Variants in MUC5B observed in about 807,000 individuals in gnomAD.
MUC5B encodes the protein mucin 5B, oligomeric mucus/gel-forming, also known as mucin-5B.
MUC5B carries 116 observed loss-of-function variants against 376.9 expected under a neutral mutation model. The observed-to-expected ratio is 0.31, with a 90% CI of 0.26 to 0.36. The LOEUF is 0.36. MUC5B is among the 10% of genes least tolerant of loss of function. The pLI is 1.00. For synonymous variants in MUC5B, 3,517 were observed against 3,390.9 expected (o/e 1.04, Z -1.29); for missense variants, 7,165 against 7,769.9 (o/e 0.92, Z 2.93).
intron 10 of MUC5B, 74 bp downstream of exon 10, chr11:1,229,881 T>C (rs1035569942): frequency 3.2e-6 from 5 of 1,541,254 alleles, no homozygotes; most frequent in Non-Finnish European, 4.4e-6. Context: ...CGCCAGCCTC[T>C]GCCTGGGGTG....
rs79334787 is a variant in MUC5B at position 1,261,456 on chromosome 11, G to A, written c.17137G>A (p.Glu5713Lys). ...CTGCCAGGAGAGGCGGGTCCACGAG[G>A]AGACGGTGCCCTTGCACTGTCCTAA... ...TCCQERRVHE[E>K]TVPLHCPNGS... Residue 5713 changes from glutamate (E) to lysine (K), a missense_variant, in exon 49 of 49, where the codon GAG becomes AAG. Coordinates refer to ENST00000529681, the MANE Select transcript of MUC5B (RefSeq NM_002458.3). 4.3e-5 allele frequency: 67 copies of A among 1,549,666 alleles called. No individual in the cohort carries two copies. Among genetic ancestry groups the A allele is most frequent in the Middle Eastern group, 1.7e-4 (1 of 5,996 alleles).
chr11:1,240,685 C>T (rs562949949), intron 30 of MUC5B, among the ~76,000 whole-genome samples, 166 bp from the exon 31 acceptor site: 24 of 152,376 alleles, frequency 1.6e-4, no homozygotes, highest in Admixed American at 4.6e-4. Flanking sequence ...GCCCCAGTCC[C>T]TCATGCAGAA....
Position 1,259,016 on chromosome 11 carries a change from G to A in MUC5B, c.16668G>A (p.Thr5556=), listed in dbSNP as rs541456427. The A allele has an allele frequency of 3.1e-5, 48 of 1,559,802 alleles. No individual in the cohort carries two copies. The highest frequency in any genetic ancestry group is 2.1e-4 in the South Asian group (18 of 84,440). The stretch of plus-strand genomic sequence containing the variant: ...TCTCTGGGGACACCCAGGACCCAAC[G>A]GTGCAATGTCAGGAGGATGCCTGCA... ...TCLSGDTQDP[T]VQCQEDACNN... The change falls in exon 44 of 49, where the codon ACG becomes ACA. Residue 5556 remains threonine (T), a synonymous_variant. Coordinates refer to ENST00000529681, the MANE Select transcript of MUC5B (RefSeq NM_002458.3).
In MUC5B at chr11:1,253,026, C is replaced by A. The variant is rs1163252369; in HGVS notation, c.15217+46C>A. ...GGGATTACCCCGGGGGCAGGTGGAG[C>A]AGAGTGCACCGTCGGCTAGGCTGGC... On this transcript the variant is annotated intron_variant, in intron 33 of 48. Coordinates refer to ENST00000529681, the MANE Select transcript of MUC5B (RefSeq NM_002458.3). This position sits in a 1 kb window ranked among gnomAD's most constrained non-coding sequence, Gnocchi z 4.3. The A allele has an allele frequency of 6.2e-7, 1 of 1,605,388 alleles. No individual in the cohort carries two copies. Among genetic ancestry groups the A allele is most frequent in the Non-Finnish European group, 8.5e-7 (1 of 1,176,168 alleles).
Position 1,243,666 on chromosome 11 carries a change from C to T in MUC5B, c.6786C>T (p.Thr2262=), listed in dbSNP as rs186592494. The T allele has an allele frequency of 1.4e-4, 228 of 1,611,396 alleles. No individual in the cohort carries two copies. Among genetic ancestry groups the T allele is most frequent in the Middle Eastern group, 6.7e-4 (3 of 4,488 alleles). Residue 2262 remains threonine (T), a synonymous_variant, in exon 31 of 49, where the codon ACC becomes ACT. Coordinates refer to ENST00000529681, the MANE Select transcript of MUC5B (RefSeq NM_002458.3). ...LSSPHPSSRT[T]ESPPSPGTTT... ...GCCCTCACCCTAGCAGCAGAACCAC[C>T]GAGTCACCCCCTTCTCCAGGGACGA...
At chr11:1,226,904 A>G (rs757906735) in intron 4 of MUC5B, 28 bp downstream of exon 4, 30 of 1,354,126 alleles carry the variant, frequency 2.2e-5, no homozygotes, top group Non-Finnish European at 2.8e-5. Context: ...GGGAGGGGCG[A>G]GGGCCGGGCC....
At position 1,229,204 on chromosome 11, in the gene MUC5B, G is replaced by A. The variant is rs1244248436; in HGVS notation, c.1011G>A (p.Glu337=). 1.2e-6 allele frequency: 2 copies of A among 1,600,304 alleles called. No individual in the cohort carries two copies. The highest frequency in any genetic ancestry group is 1.7e-6 in the Non-Finnish European group (2 of 1,176,796). The stretch of plus-strand genomic sequence containing the variant: ...GCCCCCTCAACATGCAGCACCAGGA[G>A]TGTGGCTCACCCTGCACGGACACCT... ...RTCPLNMQHQ[E]CGSPCTDTCS... is the part of the protein sequence containing the mutation. The change falls in exon 9 of 49, where the codon GAG becomes GAA. Residue 337 remains glutamate (E), a synonymous_variant. Coordinates refer to ENST00000529681, the MANE Select transcript of MUC5B (RefSeq NM_002458.3).
chr11:1,231,279 G>T, intron 13 of MUC5B, 144 bp from the exon 14 acceptor site: 1 of 1,055,536 alleles, frequency 9.5e-7, no homozygotes, highest in Middle Eastern at 2.2e-4. Context: ...GCATGGGACA[G>T]GGAGCCTGAG....
Position 1,225,750 on chromosome 11 carries a change from G to A in MUC5B, c.127+13G>A. ...ACCATGGATGGCGGTATGTGGCCAG[G>A]TTCGGGGGTGGGGGGTTCCTGACCA... On this transcript the variant is annotated intron_variant, in intron 2 of 48. Coordinates refer to ENST00000529681, the MANE Select transcript of MUC5B (RefSeq NM_002458.3). 1.9e-6 allele frequency: 3 copies of A among 1,602,180 alleles called. No individual in the cohort carries two copies. Among genetic ancestry groups the A allele is most frequent in the Non-Finnish European group, 2.6e-6 (3 of 1,175,024 alleles).
chr11:1,242,892 C>G lies in MUC5B; in HGVS notation c.6012C>G (p.Thr2004=). Residue 2004 remains threonine (T), a synonymous_variant, in exon 31 of 49, where the codon ACC becomes ACG. Transcript: ENST00000529681. ...CACAGACCACCACACCCACGGCCAC[C>G]ATGTCCACAGCCACACCCTCCTCCA... The part of the protein sequence containing the change: ...RLSQTTTPTA[T]MSTATPSSTP... 6.2e-7 allele frequency: 1 copy of G among 1,613,660 alleles called. No homozygotes were observed. Among genetic ancestry groups the G allele is most frequent in the Non-Finnish European group, 8.5e-7 (1 of 1,179,764 alleles).
At chr11:1,231,875 C>T in intron 14 of MUC5B, 121 bp from the exon 15 acceptor site, 1 of 1,364,880 alleles carries the variant, frequency 7.3e-7, no homozygotes, top group Non-Finnish European at 1.0e-6. Flanking sequence ...GTTCTGGGAG[C>T]AGAATCCTGG....
chr11:1,254,299 C>T lies in MUC5B; in HGVS notation c.15425C>T (p.Ser5142Phe). 2 of 1,609,468 alleles carry T rather than the reference C, an allele frequency of 1.2e-6. No homozygotes were observed. Among genetic ancestry groups the T allele is most frequent in the Non-Finnish European group, 1.7e-6 (2 of 1,179,844 alleles). ...CPRALSIHYK[S>F]MDIVLTVTMV... ...CGCGCCCTCAGCATCCACTACAAGT[C>T]CATGGATATCGTCCTCACTGTCACC... The change falls in exon 34 of 49, where the codon TCC (serine) becomes TTC (phenylalanine). Residue 5142 changes from serine to phenylalanine, a missense_variant. This residue lies in a region of MUC5B where 842 missense variants were observed against 1,016.9 expected (regional missense o/e 0.83). Coordinates refer to ENST00000529681, the MANE Select transcript of MUC5B (RefSeq NM_002458.3).
intron 38 of MUC5B, 166 bp from the exon 39 acceptor site, chr11:1,256,505 C>A (rs1862840654): frequency 4.4e-6 from 2 of 452,828 alleles, no homozygotes; most frequent in African/African-American, 4.3e-5. Flanking sequence ...CCCACCCCCA[C>A]CCCAGCCCCA....
chr11:1,259,875 G>A (rs1289984119), intron 45 of MUC5B, 33 bp downstream of exon 45: 6 of 1,612,074 alleles, frequency 3.7e-6, no homozygotes, highest in Non-Finnish European at 5.1e-6. Context: ...GCAGGTCTCA[G>A]CTCCCTCCCT....
rs1158749299 is a variant in MUC5B, at chr11:1,254,174, C to T, written c.15300C>T (p.Val5100=). The T allele has an allele frequency of 5.0e-6, 8 of 1,612,848 alleles. No homozygotes were observed. The highest frequency in any genetic ancestry group is 1.3e-5 in the African/African-American group (1 of 74,940). The change falls in exon 34 of 49, where the codon GTC becomes GTT. Residue 5100 remains valine (V), a synonymous_variant. Transcript: ENST00000529681. ...SYTFRGNCTY[V]LMREIHARFG... is the part of the protein sequence containing the mutation. ...CCTTCCGGGGCAACTGCACCTATGTCCTCATGAGAGAGATCCATGCACGCT... is the reference window on the plus strand; with the variant it reads ...CCTTCCGGGGCAACTGCACCTATGTTCTCATGAGAGAGATCCATGCACGCT...
Position 1,239,906 on chromosome 11 carries a change from G to C in MUC5B, c.3691G>C (p.Gly1231Arg). 1 of 1,613,302 alleles carries C rather than the reference G, an allele frequency of 6.2e-7. No homozygotes were observed. The highest frequency in any genetic ancestry group is 1.3e-5 in the African/African-American group (1 of 75,016). The change falls in exon 28 of 49, where the codon GGT becomes CGT. Residue 1231 changes from glycine (G) to arginine (R), a missense_variant. Physicochemically the swap from Gly to Arg is moderately radical, Grantham distance 125 (BLOSUM62 -2). Transcript: ENST00000529681. The stretch of plus-strand genomic sequence containing the variant: ...CAAGGACGGAAACTACTATGACGTC[G>C]GTGCAAGGGTCCCCACAGCGGAGAA... ...YDKDGNYYDV[G>R]ARVPTAENCQ...
chr11:1,251,163 G>A lies in MUC5B; in HGVS notation c.14283G>A (p.Thr4761=), dbSNP rs372766690. Reference sequence around the variant, plus strand: ...TCCCCTCCTCCACCCTGTGGACCACGTGGACCGTCCCAGCACAGACCACCA... The same window carrying A: ...TCCCCTCCTCCACCCTGTGGACCACATGGACCGTCCCAGCACAGACCACCA... The part of the protein sequence containing the change: ...TPIPSSTLWT[T]WTVPAQTTTP... Residue 4761 remains threonine (T), a synonymous_variant, in exon 31 of 49, where the codon ACG becomes ACA. Transcript: ENST00000529681. The A allele has an allele frequency of 3.2e-4, 507 of 1,609,290 alleles. 5 individuals are homozygous for A. In the African/African-American group the frequency reaches 5.8e-3, roughly 18 times the overall value.
intron 23 of MUC5B, 105 bp from the exon 24 acceptor site, chr11:1,236,281 G>T: frequency 8.7e-7 from 1 of 1,147,520 alleles, no homozygotes; most frequent in East Asian, 2.6e-5. Flanking sequence ...CTTGTGCTAA[G>T]AGCCCGTGCG....
At chr11:1,224,069 G>A (rs983869985) in intron 1 of MUC5B, among the ~76,000 whole-genome samples, 5 of 152,198 alleles carry the variant, frequency 3.3e-5, no homozygotes, top group African/African-American at 4.8e-5. Context: ...GGGGAGCTGC[G>A]TCTGGCTGCA....
Sources: allele counts gnomAD v4.1 joint callset (sites outside exome capture counted in the v4.1 genomes callset), GRCh38; gene constraint gnomAD v4.1.1; regional missense constraint gnomAD v4.1.1; non-coding constraint Gnocchi (gnomAD v3.1); transcripts MANE v1.5; gene names NCBI Gene and HGNC (gene_info 2026-07-23, HGNC 2026-07-21).